The following CREB5 variants were observed in gnomAD, a reference collection of about 807,000 sequenced individuals.
CREB5 encodes the protein cyclic AMP-responsive element-binding protein 5.
CREB5 carries 19 observed loss-of-function variants against 57.1 expected under a neutral mutation model. The observed-to-expected ratio is 0.33, with a 90% CI of 0.23 to 0.49. The LOEUF is 0.49. CREB5 is among the 20% of genes least tolerant of loss of function. The pLI is 0.99. For missense variants in CREB5, 579 were observed against 671.6 expected (o/e 0.86, Z 1.52); for synonymous variants, 238 against 238.3 (o/e 1.00, Z 0.01).
intron 5 of CREB5, among the ~76,000 whole-genome samples, chr7:28,642,993 C>CACACACACACAT (rs1798736833): frequency 9.8e-6 from 1 of 101,698 alleles, no homozygotes; most frequent in Non-Finnish European, 2.1e-5. Context: ...CACATACACA[C>CACACACACACAT]ACACACACAC....
At chr7:28,695,606 A>G (rs1345964924) in intron 5 of CREB5, among the ~76,000 whole-genome samples, 1 of 152,120 alleles carries the variant, frequency 6.6e-6, no homozygotes, top group Non-Finnish European at 1.5e-5. Context: ...AGTGGGCCAG[A>G]AGTTGTGGGC....
chr7:28,441,163 C>G (rs560811633), intron 1 of CREB5, among the ~76,000 whole-genome samples: 1 of 152,252 alleles, frequency 6.6e-6, no homozygotes, highest in Admixed American at 6.5e-5. Flanking sequence ...TGCTTTCCCC[C>G]TCCCTTTTAA....
intron 7 of CREB5, among the ~76,000 whole-genome samples, chr7:28,743,538 TAAAA>T (rs1181481717): frequency 6.6e-6 from 1 of 152,030 alleles, no homozygotes; most frequent in Non-Finnish European, 1.5e-5. Flanking sequence ...TTTCAAAAAA[TAAAA>T]AAGAAAGAAA....
chr7:28,528,782 A>AG (rs11455060), intron 4 of CREB5, among the ~76,000 whole-genome samples: 85,285 of 148,510 alleles, frequency 0.57, 26,108 homozygotes, highest in East Asian at 0.72. Flanking sequence ...TAAAAAAAAA[A>AG]AAGGCTTGCC....
At chr7:28,554,794 T>G (rs1030145117) in intron 4 of CREB5, among the ~76,000 whole-genome samples, 5 of 152,224 alleles carry the variant, frequency 3.3e-5, no homozygotes, top group Admixed American at 2.0e-4. Context: ...TTTGGCTAAG[T>G]GTGCCACAAG....
intron 7 of CREB5, among the ~76,000 whole-genome samples, chr7:28,795,404 G>T (rs1019391162): frequency 6.6e-6 from 1 of 152,188 alleles, no homozygotes; most frequent in African/African-American, 2.4e-5. Context: ...TGATGGCTGT[G>T]ACTTCTGCAT....
chr7:28,354,840 G>A (rs143026757), intron 1 of CREB5, among the ~76,000 whole-genome samples: 21 of 152,320 alleles, frequency 1.4e-4, no homozygotes, highest in African/African-American at 4.6e-4. Flanking sequence ...AGCTCACTAG[G>A]AGGCTGTGTA....
rs977173933 is a variant in CREB5 at position 28,373,791 on chromosome 7, G to A, written c.-25+74350G>A. ...TCTGTAATGAATGTATTCCACATAC[G>A]TATTCATATACATATATTCAGGAAA... is the stretch of plus-strand genomic sequence containing the variant. On this transcript the variant is annotated intron_variant, in intron 1 of 9. Transcript: ENST00000396299. Among the ~76,000 whole-genome samples, 6 of 151,826 alleles carry A rather than the reference G, an allele frequency of 4.0e-5. No homozygotes were observed. The East Asian group carries it at 9.6e-4, about 24-fold the overall frequency.
At chr7:28,403,644 G>A (rs1787519838) in intron 1 of CREB5, among the ~76,000 whole-genome samples, 1 of 152,062 alleles carries the variant, frequency 6.6e-6, no homozygotes, top group Non-Finnish European at 1.5e-5. Context: ...CTTGCTGTCT[G>A]CTGCCTTTCC....
At chr7:28,626,420 A>G (rs1246699820) in intron 5 of CREB5, among the ~76,000 whole-genome samples, 1 of 152,136 alleles carries the variant, frequency 6.6e-6, no homozygotes, top group Non-Finnish European at 1.5e-5. Flanking sequence ...CATCCTCACA[A>G]CAATCCCATG....
At chr7:28,537,734 A>G (rs2128625949) in intron 4 of CREB5, among the ~76,000 whole-genome samples, 1 of 152,382 alleles carries the variant, frequency 6.6e-6, no homozygotes, top group South Asian at 2.1e-4. Flanking sequence ...GGAGTCTGTC[A>G]TGAGAAAGGA....
chr7:28,792,616 C>T (rs974640278), intron 7 of CREB5, among the ~76,000 whole-genome samples: 11 of 152,196 alleles, frequency 7.2e-5, no homozygotes, highest in African/African-American at 2.7e-4. Flanking sequence ...TTATGAATGA[C>T]TCTTCTTTAA....
chr7:28,717,297 T>A (rs1802747875), intron 5 of CREB5, among the ~76,000 whole-genome samples: 1 of 152,060 alleles, frequency 6.6e-6, no homozygotes, highest in Non-Finnish European at 1.5e-5. Flanking sequence ...TATATTCTTT[T>A]ATATTTTCAT....
intron 5 of CREB5, among the ~76,000 whole-genome samples, chr7:28,673,005 A>G (rs1409187356): frequency 1.3e-5 from 2 of 151,954 alleles, no homozygotes; most frequent in African/African-American, 4.8e-5. Context: ...CCCGCCCCAT[A>G]CCTTACCTCT....
At chr7:28,476,312 A>G (rs373205738) in intron 1 of CREB5, among the ~76,000 whole-genome samples, 3 of 152,214 alleles carry the variant, frequency 2.0e-5, no homozygotes, top group African/African-American at 4.8e-5. Context: ...GGAATCTTCA[A>G]TCTCTCGACA....
At chr7:28,544,251 A>G (rs1160245228) in intron 4 of CREB5, among the ~76,000 whole-genome samples, 1 of 152,144 alleles carries the variant, frequency 6.6e-6, no homozygotes, top group Non-Finnish European at 1.5e-5. Context: ...AGCCTGGCAC[A>G]TGGCCGGGGC....
rs114196641 is a variant in CREB5, at chr7:28,430,994, C to A, written c.3+18077C>A. 1.6e-3 allele frequency among the ~76,000 whole-genome samples: 241 copies of A among 152,292 alleles called. 2 individuals are homozygous for A. The highest frequency in any genetic ancestry group is 5.6e-3 in the African/African-American group (232 of 41,556). Reference sequence around the variant, plus strand: ...CACTTGTATGGCTGTTGGCTGGCTTCCGATTCTTGCTGGCTGTTGGCCTGA... The same window carrying A: ...CACTTGTATGGCTGTTGGCTGGCTTACGATTCTTGCTGGCTGTTGGCCTGA... On this transcript the variant is annotated intron_variant, in intron 1 of 10. Coordinates refer to ENST00000357727, the MANE Select transcript of CREB5 (RefSeq NM_182898.4).
chr7:28,820,223 C>T lies in CREB5; in HGVS notation c.*944C>T, dbSNP rs1809682082. ...GCTGGGGAGACACTAGGGAAGGGAGCTTTGTAAGCCTTGATTGCGAAAGTC... is the reference window on the plus strand; with the variant it reads ...GCTGGGGAGACACTAGGGAAGGGAGTTTTGTAAGCCTTGATTGCGAAAGTC... On this transcript the variant is annotated 3_prime_UTR_variant, in exon 11 of 11. Transcript: ENST00000357727. 3.3e-5 allele frequency: 5 copies of T among 152,536 alleles called. No homozygotes were observed. The highest frequency in any genetic ancestry group is 3.3e-4 in the Admixed American group (5 of 15,264). The allele number at this position is 152,536 out of a possible 1,614,324, so 9.4% of individuals were successfully genotyped here. A position where few individuals can be genotyped will look rare whatever the true frequency, so the allele number is the denominator to read the frequency against.
chr7:28,775,578 G>C (rs1019788716), intron 7 of CREB5, among the ~76,000 whole-genome samples: 1 of 98,884 alleles, frequency 1.0e-5, no homozygotes. Context: ...GCGTATTTTA[G>C]GTAAGTGTTC....
Sources: gnomAD v4.1 joint callset for allele counts (sites outside exome capture counted in the v4.1 genomes callset) on GRCh38, gnomAD v4.1.1 for gene constraint, MANE v1.5 for transcripts, NCBI Gene and HGNC (gene_info 2026-07-23, HGNC 2026-07-21) for gene names.